USP15: variants seen among roughly 807,000 people sequenced by gnomAD.
The protein encoded by USP15 is ubiquitin carboxyl-terminal hydrolase 15.
Under a neutral mutation model 127.1 loss-of-function variants are expected in USP15, and 18 were observed. The observed-to-expected ratio is 0.14, with a 90% CI of 0.10 to 0.21. The LOEUF is 0.21. Ranked by LOEUF, USP15 falls within the 10% of genes least tolerant of loss-of-function variation. The probability of loss-of-function intolerance (pLI) is 1.00; values close to 1 mark genes in which losing one functional copy is unlikely to be tolerated. For missense variants in USP15, 805 were observed against 1,159.9 expected (o/e 0.69, Z 4.44); for synonymous variants, 364 against 393.7 (o/e 0.92, Z 0.89).
intron 4 of USP15, among the ~76,000 whole-genome samples, chr12:62,318,345 C>T (rs1404391222): frequency 4.6e-5 from 7 of 152,146 alleles, no homozygotes; most frequent in African/African-American, 1.4e-4. Flanking sequence ...CTCTCATGAC[C>T]TTGCCATTGA....
At chr12:62,300,746 C>A (rs756014608) in intron 2 of USP15, among the ~76,000 whole-genome samples, 2 of 152,090 alleles carry the variant, frequency 1.3e-5, no homozygotes, top group Non-Finnish European at 2.9e-5. Context: ...GCACTGTATA[C>A]AGTATTAATC....
intron 9 of USP15, among the ~76,000 whole-genome samples, chr12:62,382,390 TA>T (rs2067018320): frequency 6.6e-6 from 1 of 151,994 alleles, no homozygotes; most frequent in Non-Finnish European, 1.5e-5. Context: ...ACAAGTAATT[TA>T]AATGGCATTG....
chr12:62,389,991 A>G lies in USP15; in HGVS notation c.1844+3A>G, dbSNP rs1196804981. On this transcript the variant is annotated splice_donor_region_variant and intron_variant, in intron 14 of 21. Coordinates refer to ENST00000280377, the MANE Select transcript of USP15 (RefSeq NM_001252078.2). ...AATCTCCTGCTCTTGAGAATGTGGT[A>G]AGTGCCAGACAATTCTACATTGACA... 1.3e-6 allele frequency: 2 copies of G among 1,594,572 alleles called. No individual in the cohort carries two copies. The highest frequency in any genetic ancestry group is 1.7e-6 in the Non-Finnish European group (2 of 1,170,756).
At chr12:62,381,735 A>C (rs2066996431) in intron 9 of USP15, 72 bp downstream of exon 9, 2 of 1,434,856 alleles carry the variant, frequency 1.4e-6, no homozygotes, top group East Asian at 4.6e-5. Flanking sequence ...GGATAGGGGG[A>C]GTGAAAAATA....
At position 62,406,802 on chromosome 12, in the gene USP15, A is replaced by G. The variant is rs1480479201; in HGVS notation, c.*2427A>G. On this transcript the variant is annotated 3_prime_UTR_variant, in exon 22 of 22. Transcript: ENST00000280377. Reference sequence around the variant, plus strand: ...TAGTGAGAACCTCATCTGTACAAATATATGTATTTTTTTTTAATTAGCTGG... The same window carrying G: ...TAGTGAGAACCTCATCTGTACAAATGTATGTATTTTTTTTTAATTAGCTGG... 1 of 152,146 alleles carries G rather than the reference A, an allele frequency of 6.6e-6. No homozygotes were observed. Among genetic ancestry groups the G allele is most frequent in the African/African-American group, 2.4e-5 (1 of 41,504 alleles). 9.4% of individuals were successfully genotyped at this position (152,146 alleles called of 1,614,324 possible). A position where few individuals can be genotyped will look rare whatever the true frequency, so the allele number is the denominator to read the frequency against.
At chr12:62,374,011 ATTGC>A (rs1450313263) in intron 8 of USP15, among the ~76,000 whole-genome samples, 1 of 152,004 alleles carries the variant, frequency 6.6e-6, no homozygotes, top group Non-Finnish European at 1.5e-5. Flanking sequence ...ATATTAGTAG[ATTGC>A]TTTGGAATCA....
At chr12:62,291,518 T>C (rs1254728962) in intron 1 of USP15, among the ~76,000 whole-genome samples, 3 of 152,226 alleles carry the variant, frequency 2.0e-5, no homozygotes, top group Admixed American at 6.5e-5. Context: ...ATTTCAGTAA[T>C]GTTGGTTAGG....
At chr12:62,293,927 T>A (rs1367723246) in intron 1 of USP15, among the ~76,000 whole-genome samples, 1 of 152,220 alleles carries the variant, frequency 6.6e-6, no homozygotes, top group Non-Finnish European at 1.5e-5. Flanking sequence ...AGAAGCATTT[T>A]CTTGAATACG....
At chr12:62,387,317 A>C (rs1238231226) in intron 11 of USP15, among the ~76,000 whole-genome samples, 1 of 152,206 alleles carries the variant, frequency 6.6e-6, no homozygotes, top group Non-Finnish European at 1.5e-5. Flanking sequence ...ACTCTTGAAA[A>C]TAGAAGGGAC....
chr12:62,314,403 G>C (rs1449336150), intron 3 of USP15, among the ~76,000 whole-genome samples: 7 of 151,714 alleles, frequency 4.6e-5, no homozygotes, highest in Non-Finnish European at 1.0e-4. Flanking sequence ...CTGTTTATTT[G>C]TATTATAATG....
chr12:62,308,022 ATAAAT>A (rs1434449529), intron 3 of USP15, among the ~76,000 whole-genome samples: 1 of 152,138 alleles, frequency 6.6e-6, no homozygotes, highest in African/African-American at 2.4e-5. Flanking sequence ...TGCGTAATTA[ATAAAT>A]TAAACTTCGT....
intron 3 of USP15, among the ~76,000 whole-genome samples, chr12:62,313,149 A>T (rs568912843): frequency 1.3e-5 from 2 of 151,716 alleles, no homozygotes; most frequent in East Asian, 3.9e-4. Flanking sequence ...AGAAGAAAAA[A>T]ATGTTGAGAA....
In USP15 at chr12:62,404,271, A is replaced by G; in HGVS notation, c.2842A>G (p.Thr948Ala). Reference sequence around the variant, plus strand: ...TGGCTTTTTTCCTCTTGACCGAGAAACTAAAGGTGCTTCAGCTGCCACTGG... The same window carrying G: ...TGGCTTTTTTCCTCTTGACCGAGAAGCTAAAGGTGCTTCAGCTGCCACTGG... ...GTGFFPLDRE[T>A]KGASAATGIP... The change falls in exon 22 of 22, where the codon ACT (threonine) becomes GCT (alanine). Residue 948 changes from threonine to alanine, a missense_variant. Thr to Ala is a moderately conservative substitution (Grantham distance 58). Around this residue, in one of 11 missense-constraint regions of USP15, gnomAD observed 116 missense variants for 157.2 expected, o/e 0.74. Transcript: ENST00000280377. 6.2e-7 allele frequency: 1 copy of G among 1,613,400 alleles called. No homozygotes were observed. The highest frequency in any genetic ancestry group is 8.5e-7 in the Non-Finnish European group (1 of 1,179,460).
At chr12:62,320,556 C>A (rs1023836224) in intron 4 of USP15, among the ~76,000 whole-genome samples, 1 of 152,072 alleles carries the variant, frequency 6.6e-6, no homozygotes, top group Non-Finnish European at 1.5e-5. Flanking sequence ...GGGTGATTTG[C>A]TTTAAGTTTT....
Position 62,342,608 on chromosome 12 carries a change from T to G in USP15, c.684-6613T>G, listed in dbSNP as rs571883322. 7.2e-5 allele frequency among the ~76,000 whole-genome samples: 11 copies of G among 152,260 alleles called. No individual in the cohort carries two copies. The South Asian group carries it at 1.9e-3, about 26-fold the overall frequency. On this transcript the variant is annotated intron_variant, in intron 6 of 21. Coordinates refer to ENST00000280377, the MANE Select transcript of USP15 (RefSeq NM_001252078.2). ...GGTTTTTATTGGGGGGTCTTTTTGT[T>G]GATGTTGTTGCTTTCTGCTTGTTTG...
chr12:62,373,294 A>G (rs1219575875), intron 8 of USP15, among the ~76,000 whole-genome samples: 1 of 131,090 alleles, frequency 7.6e-6, no homozygotes, highest in Admixed American at 7.3e-5. Flanking sequence ...TGTGTAGATG[A>G]GGGCAAAAAA....
At chr12:62,382,614 G>A (rs1052647429) in intron 9 of USP15, among the ~76,000 whole-genome samples, 2 of 151,716 alleles carry the variant, frequency 1.3e-5, no homozygotes, top group Non-Finnish European at 2.9e-5. Flanking sequence ...GTGTAAATAG[G>A]TTCTTTATGT....
intron 2 of USP15, chr12:62,294,625 TAA>T: frequency 5.7e-6 from 1 of 175,100 alleles, no homozygotes; most frequent in East Asian, 1.7e-4. Context: ...TACTAAATAA[TAA>T]GACTCATTAT....
In USP15 at chr12:62,298,493, C is replaced by T. The variant is rs748115418; in HGVS notation, c.217+4187C>T. On this transcript the variant is annotated intron_variant, in intron 2 of 21. Transcript: ENST00000280377. ...CATTCTGGCCAACATGGTGAAACCC[C>T]GTCTCTATTAAAAATACAAAAAATT... 2.1e-4 allele frequency among the ~76,000 whole-genome samples: 32 copies of T among 152,018 alleles called. 1 individual carries two copies. Among genetic ancestry groups the T allele is most frequent in the Non-Finnish European group, 3.5e-4 (24 of 68,006 alleles).
Sources: allele counts gnomAD v4.1 joint callset (sites outside exome capture counted in the v4.1 genomes callset), GRCh38; gene constraint gnomAD v4.1.1; regional missense constraint gnomAD v4.1.1; transcripts MANE v1.5; gene names NCBI Gene and HGNC (gene_info 2026-07-23, HGNC 2026-07-21).